Variants in PDE4A observed in about 807,000 individuals in gnomAD.
PDE4A encodes 3',5'-cyclic-AMP phosphodiesterase 4A.
PDE4A carries 21 observed loss-of-function variants against 73.9 expected under a neutral mutation model. The ratio of observed to expected loss-of-function variants is 0.28; its 90% CI spans 0.20 to 0.41. The LOEUF (loss-of-function observed/expected upper bound fraction) is 0.41. Among genes scored for constraint, PDE4A ranks in the 10% least tolerant of loss-of-function variants. The pLI is 1.00. For missense variants in PDE4A, 958 were observed against 1,211.4 expected (o/e 0.79, Z 3.10); for synonymous variants, 463 against 505.4 (o/e 0.92, Z 1.13).
intron 13 of PDE4A, among the ~76,000 whole-genome samples, chr19:10,462,580 C>T (rs2043292133): frequency 6.6e-6 from 1 of 152,184 alleles, no homozygotes; most frequent in South Asian, 2.1e-4. Flanking sequence ...TCTTGGCCTG[C>T]CAAAGTGCTG....
At chr19:10,419,328 C>A (rs997575960), upstream of PDE4A, 4 of 152,992 alleles carry the variant, frequency 2.6e-5, no homozygotes, top group Non-Finnish European at 4.3e-5. Flanking sequence ...GGATCCCGCT[C>A]GCTCTCTGCT....
intron 1 of PDE4A, chr19:10,430,792 G>T: frequency 1.4e-6 from 1 of 695,528 alleles, no homozygotes; most frequent in South Asian, 6.1e-5. Flanking sequence ...GGGCCTGGCG[G>T]GGTGGGCGGC....
At chr19:10,434,711 C>T (rs1599413299) in intron 1 of PDE4A, among the ~76,000 whole-genome samples, 1 of 152,118 alleles carries the variant, frequency 6.6e-6, no homozygotes, top group South Asian at 2.1e-4. Flanking sequence ...CTGCCTCAGA[C>T]TCCCAAGTAG....
intron 6 of PDE4A, chr19:10,452,865 A>AAC: frequency 8.2e-6 from 2 of 243,732 alleles, no homozygotes; most frequent in Non-Finnish European, 1.3e-5. Flanking sequence ...CCCCTTTAAT[A>AAC]CCCCCCCACC....
chr19:10,430,643 C>T (rs973718574), intron 1 of PDE4A, among the ~76,000 whole-genome samples: 3 of 151,768 alleles, frequency 2.0e-5, no homozygotes, highest in Admixed American at 1.3e-4. Flanking sequence ...TTGGGGTCTG[C>T]GGGAGAGTCC....
intron 1 of PDE4A, among the ~76,000 whole-genome samples, chr19:10,443,261 C>T (rs1171305357): frequency 2.6e-5 from 4 of 152,290 alleles, no homozygotes; most frequent in Middle Eastern, 3.4e-3. Flanking sequence ...TGGCTCACGC[C>T]TGTAATCCCA....
intron 1 of PDE4A, among the ~76,000 whole-genome samples, chr19:10,444,085 G>A (rs1351363007): frequency 6.6e-6 from 1 of 151,476 alleles, no homozygotes; most frequent in Non-Finnish European, 1.5e-5. Context: ...TTTTAAGGAA[G>A]AGAAATAGTA....
intron 13 of PDE4A, 59 bp from the exon 14 acceptor site, chr19:10,463,734 C>G: frequency 6.3e-7 from 1 of 1,595,894 alleles, no homozygotes; most frequent in Non-Finnish European, 8.6e-7. Context: ...TGCCTGAGGT[C>G]TCAGACTGGG....
At chr19:10,463,763 A>C (rs200354310) in intron 13 of PDE4A, 30 bp from the exon 14 acceptor site, 1 of 1,611,646 alleles carries the variant, frequency 6.2e-7, no homozygotes, top group Non-Finnish European at 8.5e-7. Context: ...ATAGCCTCTG[A>C]AGTTTCCCCT....
upstream of PDE4A, chr19:10,417,948 C>T: frequency 7.0e-7 from 1 of 1,424,946 alleles, no homozygotes; most frequent in South Asian, 1.3e-5. Context: ...CAGCCCTTCC[C>T]GATCTCCATG....
At chr19:10,444,399 A>G (rs961926479) in intron 1 of PDE4A, among the ~76,000 whole-genome samples, 1 of 151,728 alleles carries the variant, frequency 6.6e-6, no homozygotes, top group Non-Finnish European at 1.5e-5. Context: ...TCGGGAGACT[A>G]AGGCAGGAAA....
chr19:10,454,367 CA>C (rs1291956274), intron 6 of PDE4A, among the ~76,000 whole-genome samples: 1 of 152,214 alleles, frequency 6.6e-6, no homozygotes, highest in Non-Finnish European at 1.5e-5. Context: ...ACACTTGGGT[CA>C]GGGGCAGCTC....
rs954698749 is a variant in PDE4A, at chr19:10,432,553, C to G, written c.320+11469C>G. ...AGCGATGAGGACACCCGTCGGCACC[C>G]TCCGGGCAGATCTGTCAGGTGGGTG... On this transcript the variant is annotated intron_variant, in intron 1 of 14. Transcript: ENST00000380702. The G allele has an allele frequency of 2.6e-6, 4 of 1,524,506 alleles. No homozygotes were observed. The African/African-American group carries it at 5.7e-5, about 22-fold the overall frequency. The allele number at this position is 1,524,506 out of a possible 1,614,324, so 94.4% of individuals were successfully genotyped here.
chr19:10,448,304 T>C, intron 2 of PDE4A, among the ~76,000 whole-genome samples: 1 of 151,728 alleles, frequency 6.6e-6, no homozygotes, highest in Non-Finnish European at 1.5e-5. Flanking sequence ...TTCACCATGC[T>C]GGCCAGGATA....
Position 10,420,579 on chromosome 19 carries a change from G to T in PDE4A, c.-186G>T. ...TGAGCAGAGCTCCAGGCGCCGAAAG[G>T]AAGCTGCAGAGCCCGGCCCGGGGGC... On this transcript the variant is annotated 5_prime_UTR_variant, in exon 1 of 15. Transcript: ENST00000380702. This position sits in a 1 kb window ranked among gnomAD's most constrained non-coding sequence, Gnocchi z 6.0. The T allele has an allele frequency of 2.4e-6, 3 of 1,257,100 alleles. No individual in the cohort carries two copies. Among genetic ancestry groups the T allele is most frequent in the Non-Finnish European group, 3.0e-6 (3 of 1,003,476 alleles). The allele number at this position is 1,257,100 out of a possible 1,614,324, so 77.9% of individuals were successfully genotyped here.
upstream of PDE4A, chr19:10,416,914 C>A: frequency 6.5e-7 from 1 of 1,538,020 alleles, no homozygotes; most frequent in Non-Finnish European, 8.7e-7. Flanking sequence ...ATGGCCACCG[C>A]AGTCCCAACG....
At chr19:10,457,153 C>A (rs996113540) in intron 7 of PDE4A, among the ~76,000 whole-genome samples, 4 of 151,974 alleles carry the variant, frequency 2.6e-5, no homozygotes, top group African/African-American at 9.7e-5. Context: ...AGCCAGAGAT[C>A]GTGCCACTGC....
Position 10,459,587 on chromosome 19 carries a change from G to A in PDE4A, c.1201-8G>A, listed in dbSNP as rs1568382391. 6.2e-7 allele frequency: 1 copy of A among 1,613,434 alleles called. No individual in the cohort carries two copies. Among genetic ancestry groups the A allele is most frequent in the Non-Finnish European group, 8.5e-7 (1 of 1,179,610 alleles). On this transcript the variant is annotated splice_polypyrimidine_tract_variant and splice_region_variant and intron_variant, in intron 9 of 14. Transcript: ENST00000380702. ...GGAGGTCACCACCCTGCCCCTGCCTGCTCTCAGGAGCGGGACCTGCTGAAG... is the reference window on the plus strand; with the variant it reads ...GGAGGTCACCACCCTGCCCCTGCCTACTCTCAGGAGCGGGACCTGCTGAAG...
At chr19:10,436,312 T>C (rs1211915463) in intron 1 of PDE4A, among the ~76,000 whole-genome samples, 1 of 151,968 alleles carries the variant, frequency 6.6e-6, no homozygotes, top group African/African-American at 2.4e-5. Context: ...TCCCAGCACT[T>C]TGGGAGGCCG....
Sources: allele counts gnomAD v4.1 joint callset (sites outside exome capture counted in the v4.1 genomes callset), GRCh38; gene constraint gnomAD v4.1.1; non-coding constraint Gnocchi (gnomAD v3.1); transcripts MANE v1.5; gene names NCBI Gene and HGNC (gene_info 2026-07-23, HGNC 2026-07-21).